Variants in EIPR1 observed in about 807,000 individuals in gnomAD.
The protein encoded by EIPR1 is EARP complex and GARP complex interacting protein 1.
A neutral mutation model predicts 48.1 loss-of-function variants in EIPR1; 25 were observed. That is an observed-to-expected ratio of 0.52 (90% CI 0.38 to 0.73). EIPR1 has a LOEUF of 0.73. Ranked by LOEUF, EIPR1 falls within the 30% of genes least tolerant of loss-of-function variation. EIPR1 has a pLI of 0.00. For synonymous variants in EIPR1, 204 were observed against 201.9 expected, an observed-to-expected ratio of 1.01 and a Z score of -0.09; for missense variants, 415 against 506.2, an observed-to-expected ratio of 0.82 and a Z score of 1.73.
At chr2:3,202,003 C>A (rs1665053706) in intron 5 of EIPR1, among the ~76,000 whole-genome samples, 1 of 152,150 alleles carries the variant, frequency 6.6e-6, no homozygotes, top group Admixed American at 6.5e-5. Flanking sequence ...GTGGCGCGAT[C>A]TCGGCTCACT....
At chr2:3,218,651 G>A (rs1438661017) in intron 4 of EIPR1, among the ~76,000 whole-genome samples, 4 of 148,558 alleles carry the variant, frequency 2.7e-5, no homozygotes, top group Admixed American at 2.7e-4. Flanking sequence ...CACCCACCAT[G>A]GCCCTGATAC....
chr2:3,245,043 C>T (rs1337768746), intron 4 of EIPR1, among the ~76,000 whole-genome samples: 1 of 152,064 alleles, frequency 6.6e-6, no homozygotes, highest in South Asian at 2.1e-4. Context: ...ATAAGTTGCG[C>T]CTGTACTTTG....
chr2:3,316,208 T>G, intron 3 of EIPR1, among the ~76,000 whole-genome samples: 1 of 137,700 alleles, frequency 7.3e-6, no homozygotes, highest in Non-Finnish European at 1.6e-5. Context: ...CCTACCCCCA[T>G]TCCACCACTG....
chr2:3,227,289 C>T (rs1316691222), intron 4 of EIPR1, among the ~76,000 whole-genome samples: 2 of 152,198 alleles, frequency 1.3e-5, no homozygotes, highest in Non-Finnish European at 2.9e-5. Context: ...AATGCTTACA[C>T]TGATATGGAC....
intron 3 of EIPR1, among the ~76,000 whole-genome samples, chr2:3,328,011 T>C (rs757289316): frequency 6.6e-6 from 1 of 152,080 alleles, no homozygotes; most frequent in Non-Finnish European, 1.5e-5. Flanking sequence ...TCTCCATTTC[T>C]AAGGGTAAAA....
rs201833773 is a variant in EIPR1 at position 3,253,936 on chromosome 2, C to G, written c.416+3363G>C. On this transcript the variant is annotated intron_variant, in intron 4 of 8. Coordinates refer to ENST00000382125, the MANE Select transcript of EIPR1 (RefSeq NM_003310.5). Reference sequence around the variant, plus strand: ...CATGCCTCTAGTCTGCAGGGAGCACCCATGGCAGGCGTGATGGCAGCTGGA... The same window carrying G: ...CATGCCTCTAGTCTGCAGGGAGCACGCATGGCAGGCGTGATGGCAGCTGGA... Among the ~76,000 whole-genome samples, 56 of 152,248 alleles carry G rather than the reference C, an allele frequency of 3.7e-4. No homozygotes were observed. The East Asian group carries it at 6.0e-3, about 16-fold the overall frequency.
chr2:3,361,218 G>A (rs1006040391), intron 1 of EIPR1, among the ~76,000 whole-genome samples: 4 of 152,038 alleles, frequency 2.6e-5, no homozygotes, highest in Non-Finnish European at 4.4e-5. Context: ...GCCTTTCCAC[G>A]TAGCTAAGGG....
chr2:3,200,981 G>A (rs1172410075), intron 5 of EIPR1, among the ~76,000 whole-genome samples: 2 of 152,164 alleles, frequency 1.3e-5, no homozygotes, highest in African/African-American at 2.4e-5. Flanking sequence ...CAGCAGCTCG[G>A]ACGCTGGACT....
chr2:3,224,235 G>A (rs532208452), intron 4 of EIPR1, among the ~76,000 whole-genome samples: 100 of 152,250 alleles, frequency 6.6e-4, no homozygotes, highest in African/African-American at 2.1e-3. Context: ...AACATACAGT[G>A]TCTTACTTTA....
At chr2:3,346,045 A>G (rs1176543498) in intron 2 of EIPR1, among the ~76,000 whole-genome samples, 1 of 152,112 alleles carries the variant, frequency 6.6e-6, no homozygotes, top group Non-Finnish European at 1.5e-5. Flanking sequence ...AGTCCACACC[A>G]CTTCTCCCAG....
intron 3 of EIPR1, among the ~76,000 whole-genome samples, chr2:3,324,589 G>A (rs1042338479): frequency 6.6e-6 from 1 of 152,228 alleles, no homozygotes; most frequent in South Asian, 2.1e-4. Flanking sequence ...CGCTCAAGGC[G>A]GCACCTTCTG....
chr2:3,275,577 C>T (rs114242587), intron 3 of EIPR1, among the ~76,000 whole-genome samples: 1 of 152,118 alleles, frequency 6.6e-6, no homozygotes, highest in African/African-American at 2.4e-5. Context: ...TTAAAAATCT[C>T]AATATATTTC....
At chr2:3,254,724 T>C (rs1558253653) in intron 4 of EIPR1, among the ~76,000 whole-genome samples, 2 of 152,232 alleles carry the variant, frequency 1.3e-5, no homozygotes, top group Admixed American at 6.5e-5. Context: ...GAGGTGGCTG[T>C]GGTTATAAAT....
At chr2:3,326,078 C>T (rs1424289815) in intron 3 of EIPR1, among the ~76,000 whole-genome samples, 1 of 152,224 alleles carries the variant, frequency 6.6e-6, no homozygotes, top group African/African-American at 2.4e-5. Flanking sequence ...CACTGCCCCC[C>T]TCTCCTGGGG....
chr2:3,230,721 T>G lies in EIPR1; in HGVS notation c.417-16473A>C, dbSNP rs138375677. 5.4e-3 allele frequency among the ~76,000 whole-genome samples: 828 copies of G among 152,366 alleles called. 6 individuals carry two copies. Among genetic ancestry groups the G allele is most frequent in the African/African-American group, 0.019 (808 of 41,588 alleles). Reference sequence around the variant, plus strand: ...TGTTCCATTGGTCTATATGTCAATTTGTAATTTCATATTATCCTGTTTCTA... The same window carrying G: ...TGTTCCATTGGTCTATATGTCAATTGGTAATTTCATATTATCCTGTTTCTA... On this transcript the variant is annotated intron_variant, in intron 4 of 8. Coordinates refer to ENST00000382125, the MANE Select transcript of EIPR1 (RefSeq NM_003310.5).
chr2:3,351,999 T>G (rs35168649), intron 2 of EIPR1, among the ~76,000 whole-genome samples: 1,215 of 74,790 alleles, frequency 0.016, 70 homozygotes, highest in Middle Eastern at 0.037. Flanking sequence ...CTACAGAAGC[T>G]ACCTGCCCCT....
intron 5 of EIPR1, among the ~76,000 whole-genome samples, chr2:3,212,727 C>T (rs1665499859): frequency 6.6e-6 from 1 of 152,184 alleles, no homozygotes; most frequent in Non-Finnish European, 1.5e-5. Context: ...GGGGGTCAAT[C>T]TCAGGCATGA....
At chr2:3,231,968 C>A (rs1247051929) in intron 4 of EIPR1, among the ~76,000 whole-genome samples, 1 of 152,120 alleles carries the variant, frequency 6.6e-6, no homozygotes, top group Non-Finnish European at 1.5e-5. Context: ...AGGTCCTGGG[C>A]TTTTCTTTGT....
chr2:3,247,052 AGAGGGAGG>A (rs1666852591), intron 4 of EIPR1, among the ~76,000 whole-genome samples: 2 of 2,036 alleles, frequency 9.8e-4, no homozygotes, highest in African/African-American at 1.6e-3. Context: ...AGGGAGGGAG[AGAGGGAGG>A]GAGAGAGGGA....
Sources: gnomAD v4.1 joint callset for allele counts (sites outside exome capture counted in the v4.1 genomes callset) on GRCh38, gnomAD v4.1.1 for gene constraint, MANE v1.5 for transcripts, NCBI Gene and HGNC (gene_info 2026-07-23, HGNC 2026-07-21) for gene names.